Variants in PDZD2 observed in about 807,000 individuals in gnomAD.
PDZD2 encodes PDZ domain containing 2, also known as PDZ domain-containing protein 2.
A neutral mutation model predicts 220.7 loss-of-function variants in PDZD2; 90 were observed. That is an observed-to-expected ratio of 0.41 (90% CI 0.34 to 0.49). PDZD2 has a LOEUF of 0.49. PDZD2 is among the 20% of genes least tolerant of loss of function. The pLI, the probability that PDZD2 is intolerant of heterozygous loss-of-function variation, is 0.28. For synonymous variants in PDZD2, 1,375 were observed against 1,450.5 expected, an observed-to-expected ratio of 0.95 and a Z score of 1.18; for missense variants, 3,174 against 3,608.5, an observed-to-expected ratio of 0.88 and a Z score of 3.08.
At position 31,770,941 on chromosome 5, in the gene PDZD2, G is replaced by A. The variant is rs368563802; in HGVS notation, c.-360-27948G>A. On this transcript the variant is annotated intron_variant, in intron 1 of 24. Coordinates refer to ENST00000438447, the MANE Select transcript of PDZD2 (RefSeq NM_178140.4). Reference sequence around the variant, plus strand: ...CCCCTCAGGTTTTGCAGGAGTTGTAGTCTTGAAAATGTGTGTGCTTTTTTT... The same window carrying A: ...CCCCTCAGGTTTTGCAGGAGTTGTAATCTTGAAAATGTGTGTGCTTTTTTT... 1.1e-4 allele frequency among the ~76,000 whole-genome samples: 17 copies of A among 152,028 alleles called. No individual in the cohort carries two copies. In the South Asian group the frequency reaches 2.7e-3, roughly 24 times the overall value.
Position 31,761,817 on chromosome 5 carries a change from C to G in PDZD2, c.-360-37072C>G, listed in dbSNP as rs569513395. ...TGGAGGTTGCAGTGAGCCAAGATCA[C>G]ACCGCTGCACTCCAGCCTGGGTGAC... On this transcript the variant is annotated intron_variant, in intron 1 of 24. Transcript: ENST00000438447. Among the ~76,000 whole-genome samples, 27 of 149,866 alleles carry G rather than the reference C, an allele frequency of 1.8e-4. 1 individual carries two copies. The South Asian group carries it at 5.5e-3, about 31-fold the overall frequency.
At chr5:31,787,424 G>T (rs1044497856) in intron 1 of PDZD2, among the ~76,000 whole-genome samples, 2 of 152,166 alleles carry the variant, frequency 1.3e-5, no homozygotes, top group Non-Finnish European at 2.9e-5. Flanking sequence ...TTTAGAAGTA[G>T]GTAGGGAACA....
chr5:31,821,768 TGC>T (rs1755878784), intron 2 of PDZD2, among the ~76,000 whole-genome samples: 1 of 152,130 alleles, frequency 6.6e-6, no homozygotes, highest in Non-Finnish European at 1.5e-5. Flanking sequence ...CATTGTGGTT[TGC>T]TGCGCCCATC....
At chr5:32,060,870 G>C in intron 13 of PDZD2, 132 bp from the exon 14 acceptor site, 1 of 636,850 alleles carries the variant, frequency 1.6e-6, no homozygotes, top group Admixed American at 4.8e-5. Flanking sequence ...GTATGCCAAC[G>C]GGAAAAGATA....
At chr5:31,975,468 T>C (rs917589865) in intron 2 of PDZD2, among the ~76,000 whole-genome samples, 1 of 152,184 alleles carries the variant, frequency 6.6e-6, no homozygotes, top group African/African-American at 2.4e-5. Flanking sequence ...CAAGATGAGA[T>C]TTGGGTGGGC....
intron 1 of PDZD2, among the ~76,000 whole-genome samples, chr5:31,695,006 C>G (rs1580577948): frequency 6.6e-6 from 1 of 152,014 alleles, no homozygotes; most frequent in East Asian, 1.9e-4. Context: ...TGCCTATAAT[C>G]TCAGCTACTC....
chr5:32,040,097 C>A (rs1331574519), intron 7 of PDZD2, among the ~76,000 whole-genome samples: 1 of 149,138 alleles, frequency 6.7e-6, no homozygotes, highest in Admixed American at 6.6e-5. Flanking sequence ...TGCCCTGCCA[C>A]CCCATCTGGG....
chr5:31,778,206 C>A lies in PDZD2; in HGVS notation c.-360-20683C>A, dbSNP rs955061421. 5.3e-5 allele frequency among the ~76,000 whole-genome samples: 8 copies of A among 152,132 alleles called. 1 individual carries two copies. The highest frequency in any genetic ancestry group is 3.9e-4 in the Admixed American group (6 of 15,272). ...GGGATTGTAAACACACCAGTGAGCA[C>A]CCTGTCAAAACGGACCAATCAGCTC... On this transcript the variant is annotated intron_variant, in intron 1 of 24. Coordinates refer to ENST00000438447, the MANE Select transcript of PDZD2 (RefSeq NM_178140.4).
chr5:31,995,594 T>C lies in PDZD2; in HGVS notation c.997T>C (p.Trp333Arg). Residue 333 changes from tryptophan (W) to arginine (R), a missense_variant, in exon 4 of 25, where the codon TGG (tryptophan) becomes CGG (arginine). Physicochemically the swap from Trp to Arg is moderately radical, Grantham distance 101 (BLOSUM62 -3). Transcript: ENST00000438447. Reference sequence around the variant, plus strand: ...TTCCAAGGAGGAAGTTGGCCGAATATGGAAGATGGAGCTGCTCAAAGAATC... The same window carrying C: ...TTCCAAGGAGGAAGTTGGCCGAATACGGAAGATGGAGCTGCTCAAAGAATC... ...CLAREEVGRI[W>R]KMELLKESDG... 1 of 1,614,162 alleles carries C rather than the reference T, an allele frequency of 6.2e-7. No homozygotes were observed. Among genetic ancestry groups the C allele is most frequent in the Non-Finnish European group, 8.5e-7 (1 of 1,180,010 alleles).
chr5:32,034,272 G>A (rs7727737), intron 6 of PDZD2, among the ~76,000 whole-genome samples: 4,599 of 152,192 alleles, frequency 0.03, 224 homozygotes, highest in African/African-American at 0.11. Flanking sequence ...CACCAAAGGC[G>A]GTAATGTCTT....
In PDZD2 at chr5:31,803,286, A is replaced by G. The variant is rs540455961; in HGVS notation, c.476+3562A>G. 2.5e-4 allele frequency among the ~76,000 whole-genome samples: 11 copies of G among 43,336 alleles called. No individual in the cohort carries two copies. The East Asian group carries it at 9.5e-3, about 37-fold the overall frequency. The allele number at this position is 43,336 out of a possible 152,430, so 28.4% of individuals were successfully genotyped here. A position where few individuals can be genotyped will look rare whatever the true frequency, so the allele number is the denominator to read the frequency against. On this transcript the variant is annotated intron_variant, in intron 2 of 24. Transcript: ENST00000438447. ...CTTTTTTTTTTTTTTTTTTTTTTGT[A>G]GAGATGGTATCTTACTATGTTGCCC...
intron 1 of PDZD2, among the ~76,000 whole-genome samples, chr5:31,756,056 C>A (rs1414335991): frequency 6.6e-6 from 1 of 152,058 alleles, no homozygotes; most frequent in Non-Finnish European, 1.5e-5. Flanking sequence ...ATTTAGACCT[C>A]CAGAAATGCC....
At chr5:31,703,951 C>CCT (rs1311689917) in intron 1 of PDZD2, among the ~76,000 whole-genome samples, 2 of 129,084 alleles carry the variant, frequency 1.5e-5, no homozygotes, top group Non-Finnish European at 3.5e-5. Context: ...CTCTCTTTCT[C>CCT]TCTCTTTCTC....
intron 1 of PDZD2, among the ~76,000 whole-genome samples, chr5:31,745,028 G>A (rs1188860672): frequency 3.9e-5 from 6 of 152,012 alleles, no homozygotes; most frequent in Non-Finnish European, 5.9e-5. Context: ...AGCCGAGATC[G>A]CGCCATTGCA....
chr5:31,642,786 G>A (rs936174750), intron 1 of PDZD2, among the ~76,000 whole-genome samples: 1 of 152,220 alleles, frequency 6.6e-6, no homozygotes, highest in Non-Finnish European at 1.5e-5. Flanking sequence ...GTGAGGCCCT[G>A]GAGAGAATGA....
At chr5:31,785,285 A>C (rs1753313174) in intron 1 of PDZD2, among the ~76,000 whole-genome samples, 1 of 151,730 alleles carries the variant, frequency 6.6e-6, no homozygotes, top group Non-Finnish European at 1.5e-5. Context: ...GAAGACATGG[A>C]TGGTAGGAAG....
chr5:32,022,195 T>G (rs976001713), intron 6 of PDZD2, among the ~76,000 whole-genome samples: 8 of 145,486 alleles, frequency 5.5e-5, no homozygotes, highest in Non-Finnish European at 9.0e-5. Flanking sequence ...GTTTTTTTGT[T>G]TTTTGTTTTT....
At chr5:31,928,066 G>A (rs1009990773) in intron 2 of PDZD2, among the ~76,000 whole-genome samples, 8 of 152,196 alleles carry the variant, frequency 5.3e-5, no homozygotes, top group African/African-American at 1.9e-4. Flanking sequence ...GAGTTAGGAT[G>A]AGCTGGGACT....
chr5:31,907,012 C>T (rs562070474), intron 2 of PDZD2, among the ~76,000 whole-genome samples: 14 of 152,078 alleles, frequency 9.2e-5, no homozygotes, highest in Non-Finnish European at 1.9e-4. Context: ...CTTGGTTAGC[C>T]CAAGCTGATA....
Sources: allele counts gnomAD v4.1 joint callset (sites outside exome capture counted in the v4.1 genomes callset), GRCh38; gene constraint gnomAD v4.1.1; transcripts MANE v1.5; gene names NCBI Gene and HGNC (gene_info 2026-07-23, HGNC 2026-07-21).